LHFPL4: variants seen among roughly 807,000 people sequenced by gnomAD.
LHFPL4 encodes LHFPL tetraspan subfamily member 4.
Under a neutral mutation model 20.0 loss-of-function variants are expected in LHFPL4, and 6 were observed. The ratio of observed to expected loss-of-function variants is 0.30; its 90% confidence interval spans 0.16 to 0.59. The LOEUF (loss-of-function observed/expected upper bound fraction) is 0.59. Among genes scored for constraint, LHFPL4 ranks in the 20% least tolerant of loss-of-function variants. The pLI, the probability that LHFPL4 is intolerant of heterozygous loss-of-function variation, is 0.88. For missense variants in LHFPL4, 215 were observed against 331.2 expected, an observed-to-expected ratio of 0.65 and a Z score of 2.72; for synonymous variants, 129 against 143.8, an observed-to-expected ratio of 0.90 and a Z score of 0.74.
chr3:9,517,048 T>A (rs2046307778), intron 2 of LHFPL4, among the ~76,000 whole-genome samples: 1 of 152,104 alleles, frequency 6.6e-6, no homozygotes, highest in African/African-American at 2.4e-5. Flanking sequence ...CCCAAAGTGC[T>A]GGGATTACAG....
intron 2 of LHFPL4, among the ~76,000 whole-genome samples, chr3:9,523,986 C>G (rs554511677): frequency 5.2e-4 from 70 of 134,106 alleles, no homozygotes; most frequent in Non-Finnish European, 7.6e-4. Flanking sequence ...TAGTATTTCC[C>G]CCCCCCCCAA....
intron 3 of LHFPL4, among the ~76,000 whole-genome samples, chr3:9,504,939 T>C (rs962677508): frequency 1.3e-5 from 2 of 152,158 alleles, no homozygotes; most frequent in Non-Finnish European, 2.9e-5. Flanking sequence ...GAACTTGTTT[T>C]TTTTTTTCCC....
At chr3:9,519,373 C>T (rs931371546) in intron 2 of LHFPL4, among the ~76,000 whole-genome samples, 1 of 152,130 alleles carries the variant, frequency 6.6e-6, no homozygotes, top group Non-Finnish European at 1.5e-5. Context: ...CCACACCTGG[C>T]CTCTTTATTC....
intron 2 of LHFPL4, among the ~76,000 whole-genome samples, chr3:9,547,025 G>C (rs1212333224): frequency 6.6e-6 from 1 of 152,200 alleles, no homozygotes; most frequent in Non-Finnish European, 1.5e-5. Context: ...GTCTGGCTCT[G>C]TTGCCCAGGC....
intron 2 of LHFPL4, among the ~76,000 whole-genome samples, chr3:9,536,533 G>A (rs1202350580): frequency 6.6e-6 from 1 of 152,102 alleles, no homozygotes; most frequent in African/African-American, 2.4e-5. Flanking sequence ...TCCACTGCTA[G>A]CTACCACCTT....
intron 1 of LHFPL4, among the ~76,000 whole-genome samples, chr3:9,553,200 A>AG (rs755497218): frequency 3.7e-4 from 56 of 149,996 alleles, no homozygotes; most frequent in Admixed American, 9.9e-4. Context: ...GTGTCTAGCA[A>AG]GGGACTATGA....
chr3:9,519,488 G>T (rs1031232109), intron 2 of LHFPL4, among the ~76,000 whole-genome samples: 15 of 152,202 alleles, frequency 9.9e-5, no homozygotes, highest in African/African-American at 3.4e-4. Context: ...TGGTTTTGTC[G>T]ATTTTCTTTA....
intron 2 of LHFPL4, among the ~76,000 whole-genome samples, chr3:9,549,834 C>T (rs1281809404): frequency 1.3e-5 from 2 of 152,182 alleles, no homozygotes; most frequent in Non-Finnish European, 2.9e-5. Context: ...ATGGAATGAT[C>T]TTGATGAAAG....
At chr3:9,517,586 C>T (rs918171775) in intron 2 of LHFPL4, among the ~76,000 whole-genome samples, 8 of 150,204 alleles carry the variant, frequency 5.3e-5, no homozygotes, top group African/African-American at 2.0e-4. Flanking sequence ...TTCCCAGCTA[C>T]TCAGGGGGCT....
At position 9,517,686 on chromosome 3, in the gene LHFPL4, CAAA is replaced by C. The variant is rs59022029; in HGVS notation, c.407-11486_407-11484del. Among the ~76,000 whole-genome samples the C allele has an allele frequency of 1.9e-3, 184 of 96,474 alleles. 1 individual carries two copies. Among genetic ancestry groups the C allele is most frequent in the African/African-American group, 6.3e-3 (164 of 26,206 alleles). The allele number at this position is 96,474 out of a possible 152,430, so 63.3% of individuals were successfully genotyped here. On this transcript the variant is annotated intron_variant, in intron 2 of 3. Transcript: ENST00000287585. ...AGGGCGACAGAGCTAGACTCTGTCTCAAAAAAAAAAAAAAAAAAAATCCACTTG... is the reference window on the plus strand; with the variant it reads ...AGGGCGACAGAGCTAGACTCTGTCTCAAAAAAAAAAAAAAAAATCCACTTG...
intron 2 of LHFPL4, among the ~76,000 whole-genome samples, chr3:9,514,712 T>G (rs1481477398): frequency 3.3e-5 from 5 of 152,214 alleles, no homozygotes; most frequent in Admixed American, 3.3e-4. Context: ...TTTCACTACC[T>G]CCATACTTTT....
In LHFPL4 at chr3:9,510,275, A is replaced by G. The variant is rs1160134441; in HGVS notation, c.407-4072T>C. 3.3e-5 allele frequency among the ~76,000 whole-genome samples: 5 copies of G among 151,938 alleles called. No individual in the cohort carries two copies. In the East Asian group the frequency reaches 9.7e-4, roughly 29 times the overall value. On this transcript the variant is annotated intron_variant, in intron 2 of 3. Transcript: ENST00000287585. ...AGACCAGCCTGGGGCAACATGGTGA[A>G]AACACGGTGAAAAGCACAAGTACAT... is the stretch of plus-strand genomic sequence containing the variant.
chr3:9,525,856 A>G (rs1413283569), intron 2 of LHFPL4, among the ~76,000 whole-genome samples: 1 of 152,242 alleles, frequency 6.6e-6, no homozygotes, highest in Non-Finnish European at 1.5e-5. Context: ...TTTATATGTT[A>G]TGAAACAGGC....
At chr3:9,504,406 G>A (rs536073802) in intron 3 of LHFPL4, among the ~76,000 whole-genome samples, 5 of 148,490 alleles carry the variant, frequency 3.4e-5, no homozygotes, top group South Asian at 4.3e-4. Flanking sequence ...GGACTCTAAC[G>A]CTACCCATAA....
intron 2 of LHFPL4, among the ~76,000 whole-genome samples, chr3:9,528,906 C>T (rs2046391778): frequency 6.7e-6 from 1 of 149,336 alleles, no homozygotes. Context: ...TAAGCCACTG[C>T]ACCCAGCCCC....
intron 2 of LHFPL4, among the ~76,000 whole-genome samples, chr3:9,539,994 C>T (rs1014672109): frequency 6.6e-6 from 1 of 152,128 alleles, no homozygotes; most frequent in African/African-American, 2.4e-5. Flanking sequence ...TATCATACAT[C>T]GCTGGTGGGA....
chr3:9,504,381 G>GAA (rs59021970), intron 3 of LHFPL4, among the ~76,000 whole-genome samples: 25,761 of 138,846 alleles, frequency 0.19, 2,895 homozygotes, highest in Middle Eastern at 0.28. Flanking sequence ...CTGTCTCAAG[G>GAA]AAAAAAAAAA....
intron 2 of LHFPL4, among the ~76,000 whole-genome samples, chr3:9,540,206 G>A (rs2046468832): frequency 6.6e-6 from 1 of 152,150 alleles, no homozygotes; most frequent in Admixed American, 6.6e-5. Flanking sequence ...AAATTGTGAT[G>A]CACCTATAGA....
At chr3:9,545,068 G>A (rs981118739) in intron 2 of LHFPL4, among the ~76,000 whole-genome samples, 9 of 152,016 alleles carry the variant, frequency 5.9e-5, no homozygotes, top group Middle Eastern at 3.4e-3. Flanking sequence ...ACACACACAC[G>A]ACACGGTCAG....
Sources: gnomAD v4.1 joint callset for allele counts (sites outside exome capture counted in the v4.1 genomes callset) on GRCh38, gnomAD v4.1.1 for gene constraint, MANE v1.5 for transcripts, NCBI Gene and HGNC (gene_info 2026-07-23, HGNC 2026-07-21) for gene names.